Variants in BLTP1 observed in about 807,000 individuals in gnomAD.
BLTP1 encodes the protein fragile site-associated protein.
chr4:122,281,289 A>G, the BLTP1 span: 128 of 979,034 alleles, frequency 1.3e-4, 1 homozygote, highest in African/African-American at 1.9e-3. Context: ...TGTAATAATG[A>G]TAAGAATCAC....
chr4:122,187,620 T>A, the BLTP1 span: 1 of 1,143,978 alleles, frequency 8.7e-7, no homozygotes, highest in African/African-American at 1.6e-5. Flanking sequence ...TTGTGGAGTT[T>A]TTTTTAGTTC....
At chr4:122,239,638 G>A in the BLTP1 span, 1 of 1,614,078 alleles carries the variant, frequency 6.2e-7, no homozygotes, top group East Asian at 2.2e-5. Flanking sequence ...ACCCGTCTTG[G>A]AAGTACTAAG....
the BLTP1 span, among the ~76,000 whole-genome samples, chr4:122,196,173 C>A: frequency 1.3e-5 from 2 of 152,122 alleles, no homozygotes; most frequent in Non-Finnish European, 2.9e-5. Context: ...TTCCATGTGC[C>A]ATGCACTGCT....
the BLTP1 span, among the ~76,000 whole-genome samples, chr4:122,342,820 C>T: frequency 6.6e-6 from 1 of 152,232 alleles, no homozygotes; most frequent in African/African-American, 2.4e-5. Context: ...CAAAGGAGGT[C>T]TGGTCTGGAC....
At chr4:122,233,404 G>A in the BLTP1 span, among the ~76,000 whole-genome samples, 6 of 152,316 alleles carry the variant, frequency 3.9e-5, no homozygotes, top group South Asian at 6.2e-4. Flanking sequence ...TGAAGTTGTA[G>A]AGTTAGTAAG....
At chr4:122,246,617 G>T in the BLTP1 span, 4 of 1,546,804 alleles carry the variant, frequency 2.6e-6, no homozygotes, top group South Asian at 3.6e-5. Flanking sequence ...TTTCATTTTT[G>T]TGCATATTTT....
chr4:122,214,294 T>C, the BLTP1 span: 2 of 928,606 alleles, frequency 2.2e-6, no homozygotes, highest in African/African-American at 3.6e-5. Context: ...GTAAAGAAAA[T>C]TTTGGAGAAT....
At chr4:122,219,189 T>C in the BLTP1 span, 4 of 1,429,344 alleles carry the variant, frequency 2.8e-6, no homozygotes, top group Non-Finnish European at 3.7e-6. Flanking sequence ...TAACATATGT[T>C]TTCTTTTGTA....
chr4:122,318,316 C>T, the BLTP1 span: 27 of 1,507,876 alleles, frequency 1.8e-5, no homozygotes, highest in Non-Finnish European at 2.5e-5. Context: ...AACCACCTGA[C>T]TTTTTCCTAT....
the BLTP1 span, chr4:122,273,131 A>C: frequency 1.3e-6 from 1 of 744,042 alleles, no homozygotes; most frequent in Non-Finnish European, 1.6e-6. Context: ...AAATAACCTG[A>C]CAGATTATAT....
the BLTP1 span, chr4:122,298,184 T>A: frequency 2.5e-6 from 2 of 792,862 alleles, no homozygotes; most frequent in Non-Finnish European, 3.1e-6. Context: ...ATTTATTATT[T>A]AATTGAATAA....
chr4:122,358,106 A>C, the BLTP1 span, among the ~76,000 whole-genome samples: 1 of 152,198 alleles, frequency 6.6e-6, no homozygotes, highest in South Asian at 2.1e-4. Flanking sequence ...CTTCACATAC[A>C]GCCCCAACAG....
the BLTP1 span, chr4:122,333,556 G>A: frequency 2.8e-5 from 41 of 1,462,136 alleles, no homozygotes; most frequent in Admixed American, 6.2e-4. Context: ...AGTAGGTTGC[G>A]AAAAGTTTGC....
the BLTP1 span, among the ~76,000 whole-genome samples, chr4:122,176,782 G>T: frequency 6.6e-6 from 1 of 152,042 alleles, no homozygotes; most frequent in African/African-American, 2.4e-5. Context: ...ATATTTTGCC[G>T]TAGTTCTTTG....
At chr4:122,161,356 G>A in the BLTP1 span, among the ~76,000 whole-genome samples, 1 of 151,836 alleles carries the variant, frequency 6.6e-6, no homozygotes, top group African/African-American at 2.4e-5. Flanking sequence ...GTTGTAGGGG[G>A]TGGGTGAGAA....
chr4:122,274,606 T>C, the BLTP1 span: 4 of 980,424 alleles, frequency 4.1e-6, no homozygotes, highest in South Asian at 1.9e-4. Flanking sequence ...AAAAATACTT[T>C]TTGTCTTTCT....
the BLTP1 span, chr4:122,307,403 C>G: frequency 1.1e-6 from 1 of 911,076 alleles, no homozygotes; most frequent in Non-Finnish European, 1.3e-6. Flanking sequence ...GCTTTTCCTC[C>G]TACTTCTCTG....
At chr4:122,346,165 A>AGC in the BLTP1 span, among the ~76,000 whole-genome samples, 11 of 152,290 alleles carry the variant, frequency 7.2e-5, no homozygotes, top group Non-Finnish European at 1.3e-4. Context: ...AATGCTCCAG[A>AGC]GCAGAACTCT....
chr4:122,345,221 T>C, the BLTP1 span, among the ~76,000 whole-genome samples: 2 of 152,048 alleles, frequency 1.3e-5, no homozygotes, highest in African/African-American at 2.4e-5. Context: ...TAAGACAAGG[T>C]CTTATGTGTA....
Sources: allele counts gnomAD v4.1 joint callset (sites outside exome capture counted in the v4.1 genomes callset), GRCh38; gene constraint gnomAD v4.1.1; transcripts MANE v1.5; gene names NCBI Gene and HGNC (gene_info 2026-07-23, HGNC 2026-07-21).